PCCA: variants seen among roughly 807,000 people sequenced by gnomAD.
The protein encoded by PCCA is propionyl-CoA carboxylase subunit alpha, also known as propionyl-CoA carboxylase alpha chain, mitochondrial.
In PCCA, 74 loss-of-function variants were observed where a neutral mutation model predicts 101.3. The ratio of observed to expected loss-of-function variants is 0.73; its 90% confidence interval spans 0.61 to 0.89. The LOEUF is 0.89. PCCA is among the 40% of genes least tolerant of loss of function. PCCA has a pLI of 0.00. For missense variants in PCCA, 891 were observed against 907.0 expected (o/e 0.98, Z 0.23); for synonymous variants, 294 against 313.6 (o/e 0.94, Z 0.66).
At chr13:100,399,416 T>C (rs1163877745) in intron 19 of PCCA, among the ~76,000 whole-genome samples, 2 of 152,172 alleles carry the variant, frequency 1.3e-5, no homozygotes, top group Admixed American at 6.5e-5. Flanking sequence ...CCCTCCTCCT[T>C]AAAAGAAATA....
intron 22 of PCCA, 51 bp downstream of exon 22, chr13:100,515,618 C>T: frequency 6.2e-7 from 1 of 1,604,276 alleles, no homozygotes; most frequent in Non-Finnish European, 8.5e-7. Flanking sequence ...CCAACTTCCC[C>T]TTCCAAAGCG....
At chr13:100,186,737 T>TAAAAAAAAAAA (rs2057299931) in intron 6 of PCCA, among the ~76,000 whole-genome samples, 1 of 96,374 alleles carries the variant, frequency 1.0e-5, no homozygotes, top group Non-Finnish European at 2.3e-5. Context: ...AGATTCCATC[T>TAAAAAAAAAAA]CAAAAAAAAA....
intron 21 of PCCA, among the ~76,000 whole-genome samples, chr13:100,496,602 G>T (rs1044832025): frequency 1.3e-5 from 2 of 152,004 alleles, no homozygotes; most frequent in African/African-American, 4.8e-5. Context: ...TTTGGTTCAG[G>T]TGGTGTTTGT....
At chr13:100,459,038 C>G (rs2081995614) in intron 21 of PCCA, among the ~76,000 whole-genome samples, 1 of 152,146 alleles carries the variant, frequency 6.6e-6, no homozygotes, top group South Asian at 2.1e-4. Flanking sequence ...TTCTGTGCCT[C>G]TCTCCTGGCT....
At chr13:100,395,921 A>C (rs2077024570) in intron 19 of PCCA, among the ~76,000 whole-genome samples, 1 of 152,230 alleles carries the variant, frequency 6.6e-6, no homozygotes, top group Admixed American at 6.5e-5. Context: ...TATAAAAAAG[A>C]AACGTCAGTC....
rs570884342 is a variant in PCCA at position 100,114,417 on chromosome 13, A to T, written c.300+2356A>T. 6.8e-4 allele frequency among the ~76,000 whole-genome samples: 104 copies of T among 152,290 alleles called. 1 individual carries two copies. The highest frequency in any genetic ancestry group is 2.3e-3 in the African/African-American group (95 of 41,544). ...AATGGATGTTTAACCAGCCTGGCTAAGATGGTGAAACCCTGTCTCTACTAA... is the reference window on the plus strand; with the variant it reads ...AATGGATGTTTAACCAGCCTGGCTATGATGGTGAAACCCTGTCTCTACTAA... On this transcript the variant is annotated intron_variant, in intron 4 of 23. Coordinates refer to ENST00000376285, the MANE Select transcript of PCCA (RefSeq NM_000282.4).
At chr13:100,314,813 C>A (rs2067198585) in intron 16 of PCCA, among the ~76,000 whole-genome samples, 1 of 152,152 alleles carries the variant, frequency 6.6e-6, no homozygotes, top group Non-Finnish European at 1.5e-5. Flanking sequence ...CACATGACAA[C>A]TAAATGCAAT....
chr13:100,244,203 A>T (rs1289398099), intron 8 of PCCA, among the ~76,000 whole-genome samples: 1 of 152,256 alleles, frequency 6.6e-6, no homozygotes, highest in African/African-American at 2.4e-5. Context: ...CATTAAAATA[A>T]TCTATGTGAA....
chr13:100,504,467 T>A (rs1020681976), intron 21 of PCCA, among the ~76,000 whole-genome samples: 6 of 152,182 alleles, frequency 3.9e-5, no homozygotes, highest in African/African-American at 1.4e-4. Flanking sequence ...TGAGAGCGAT[T>A]TAGATCCCTG....
intron 6 of PCCA, among the ~76,000 whole-genome samples, chr13:100,174,411 T>C (rs938327391): frequency 1.3e-5 from 2 of 149,122 alleles, no homozygotes; most frequent in African/African-American, 5.0e-5. Flanking sequence ...TTTGTTGTGG[T>C]ACTCTTTTAT....
intron 21 of PCCA, among the ~76,000 whole-genome samples, chr13:100,512,110 G>A (rs542916167): frequency 5.9e-5 from 9 of 152,260 alleles, no homozygotes; most frequent in African/African-American, 2.2e-4. Context: ...ACCACTCTCA[G>A]CCCCCAGGCT....
In PCCA at chr13:100,435,762, G is replaced by A. The variant is rs570474453; in HGVS notation, c.1845+10031G>A. On this transcript the variant is annotated intron_variant, in intron 20 of 23. Transcript: ENST00000376285. Reference sequence around the variant, plus strand: ...ATTTATTGAAAACAAAAGTATAGGCGGCCAGGTGTGGTGGCTCATGCCTGT... The same window carrying A: ...ATTTATTGAAAACAAAAGTATAGGCAGCCAGGTGTGGTGGCTCATGCCTGT... Among the ~76,000 whole-genome samples the A allele has an allele frequency of 1.8e-4, 27 of 152,222 alleles. No homozygotes were observed. In the East Asian group the frequency reaches 4.8e-3, roughly 27 times the overall value.
At chr13:100,390,440 A>G (rs532335900) in intron 19 of PCCA, among the ~76,000 whole-genome samples, 1 of 152,136 alleles carries the variant, frequency 6.6e-6, no homozygotes, top group Non-Finnish European at 1.5e-5. Context: ...TTTGGGGGAG[A>G]TTCGGTCTCC....
chr13:100,248,973 C>T (rs367645145), intron 8 of PCCA, among the ~76,000 whole-genome samples: 139 of 152,036 alleles, frequency 9.1e-4, no homozygotes, highest in African/African-American at 3.1e-3. Flanking sequence ...AGGCTGGTCT[C>T]GAACCCCTGA....
intron 12 of PCCA, among the ~76,000 whole-genome samples, chr13:100,297,853 A>G (rs2065675913): frequency 6.6e-6 from 1 of 152,210 alleles, no homozygotes; most frequent in African/African-American, 2.4e-5. Context: ...GATATAACCA[A>G]TACAAATAAA....
chr13:100,486,313 G>T (rs1173566863), intron 21 of PCCA, among the ~76,000 whole-genome samples: 2 of 152,194 alleles, frequency 1.3e-5, no homozygotes, highest in African/African-American at 4.8e-5. Flanking sequence ...GACTTCTGCG[G>T]GAGAAGTACT....
At chr13:100,445,485 G>A (rs868846653) in intron 20 of PCCA, among the ~76,000 whole-genome samples, 26 of 152,028 alleles carry the variant, frequency 1.7e-4, no homozygotes, top group Admixed American at 1.3e-4. Flanking sequence ...ATAATACGTC[G>A]TCATTAACTG....
chr13:100,292,582 C>T (rs1249594786), intron 12 of PCCA, among the ~76,000 whole-genome samples: 2 of 152,134 alleles, frequency 1.3e-5, no homozygotes, highest in Admixed American at 6.5e-5. Flanking sequence ...CATTTTTACT[C>T]TTACTGTTGT....
intron 4 of PCCA, among the ~76,000 whole-genome samples, chr13:100,123,483 A>G (rs1222986806): frequency 6.6e-6 from 1 of 152,246 alleles, no homozygotes; most frequent in Non-Finnish European, 1.5e-5. Context: ...TCGTAGAAGC[A>G]ATGGAAATGA....
Sources: gnomAD v4.1 joint callset for allele counts (sites outside exome capture counted in the v4.1 genomes callset) on GRCh38, gnomAD v4.1.1 for gene constraint, MANE v1.5 for transcripts, NCBI Gene and HGNC (gene_info 2026-07-23, HGNC 2026-07-21) for gene names.